Variants in APBA2 observed in about 807,000 individuals in gnomAD.
The protein encoded by APBA2 is amyloid beta precursor protein binding family A member 2.
APBA2 carries 30 observed loss-of-function variants against 75.0 expected under a neutral mutation model. That is an observed-to-expected ratio of 0.40 (90% CI 0.30 to 0.54). APBA2 has a LOEUF of 0.54. Ranked by LOEUF, APBA2 falls within the 20% of genes least tolerant of loss-of-function variation. The pLI, the probability that APBA2 is intolerant of heterozygous loss-of-function variation, is 0.49. For missense variants in APBA2, 801 were observed against 1,016.1 expected (o/e 0.79, Z 2.88); for synonymous variants, 444 against 409.6 (o/e 1.08, Z -1.01).
At chr15:29,021,250 C>T (rs2039939254) in intron 3 of APBA2, among the ~76,000 whole-genome samples, 1 of 152,092 alleles carries the variant, frequency 6.6e-6, no homozygotes, top group Admixed American at 6.5e-5. Flanking sequence ...GGATGGGGGC[C>T]AGGCACAGTG....
At position 28,987,725 on chromosome 15, in the gene APBA2, G is replaced by GATATAT. The variant is rs1469936230; in HGVS notation, c.-94-8027_-94-8026insTATATA. On this transcript the variant is annotated intron_variant, in intron 2 of 14. Coordinates refer to ENST00000683413, the MANE Select transcript of APBA2 (RefSeq NM_001353788.2). Reference sequence around the variant, plus strand: ...AAGGGAGTGTCAAAGAATATGTGGAGAGAGATATATATATATATATATATA... The same window carrying GATATAT: ...AAGGGAGTGTCAAAGAATATGTGGAGATATATAGAGATATATATATATATATATATA... 4.7e-3 allele frequency among the ~76,000 whole-genome samples: 562 copies of GATATAT among 118,500 alleles called. 21 individuals are homozygous for GATATAT. The highest frequency in any genetic ancestry group is 0.019 in the African/African-American group (471 of 24,964). 77.7% of individuals were successfully genotyped at this position (118,500 alleles called of 152,430 possible).
At chr15:28,892,666 C>T (rs1015822892) in intron 1 of APBA2, among the ~76,000 whole-genome samples, 9 of 149,114 alleles carry the variant, frequency 6.0e-5, no homozygotes, top group South Asian at 2.1e-4. Flanking sequence ...TGTATGTGTA[C>T]GTATATATGT....
chr15:29,057,917 G>A (rs182676122), intron 4 of APBA2, among the ~76,000 whole-genome samples: 1 of 152,256 alleles, frequency 6.6e-6, no homozygotes, highest in East Asian at 1.9e-4. Flanking sequence ...CCCTTCTTCT[G>A]TGGATGTTGG....
chr15:28,956,792 C>T (rs1346542736), intron 2 of APBA2, among the ~76,000 whole-genome samples: 1 of 152,188 alleles, frequency 6.6e-6, no homozygotes, highest in Admixed American at 6.5e-5. Flanking sequence ...TTGACGACTT[C>T]AGGTGCCTCG....
intron 2 of APBA2, among the ~76,000 whole-genome samples, chr15:28,935,904 A>G (rs192166296): frequency 6.6e-6 from 1 of 152,300 alleles, no homozygotes; most frequent in East Asian, 1.9e-4. Flanking sequence ...TATTAATCAA[A>G]ATGTATGATT....
At chr15:29,025,718 G>A (rs1305341980) in intron 3 of APBA2, among the ~76,000 whole-genome samples, 1 of 151,902 alleles carries the variant, frequency 6.6e-6, no homozygotes, top group Non-Finnish European at 1.5e-5. Context: ...TTGCGAGGCC[G>A]AGGCGGGCAG....
At position 28,913,782 on chromosome 15, in the gene APBA2, A is replaced by G. The variant is rs2033543244; in HGVS notation, c.-204-7858A>G. On this transcript the variant is annotated intron_variant, in intron 1 of 14. Coordinates refer to ENST00000683413, the MANE Select transcript of APBA2 (RefSeq NM_001353788.2). ...ATTCTACTAGTTGTAGCTTACAGTC[A>G]CCGAGTTTCTTTCATTGTATTCGGT... Among the ~76,000 whole-genome samples the G allele has an allele frequency of 3.3e-5, 5 of 152,200 alleles. No homozygotes were observed. In the South Asian group the frequency reaches 1.0e-3, roughly 32 times the overall value.
chr15:29,102,600 T>C lies in APBA2; in HGVS notation c.1524+816T>C, dbSNP rs1441589087. ...GCGAAACCCTAGTCTCTACTAAAGA[T>C]ACAAAAAAATTAGCCAAGCTTGGTG... On this transcript the variant is annotated intron_variant, in intron 10 of 14. Transcript: ENST00000683413. 2.0e-5 allele frequency: 3 copies of C among 151,954 alleles called. No homozygotes were observed. The East Asian group carries it at 5.8e-4, about 29-fold the overall frequency. 9.4% of individuals were successfully genotyped at this position (151,954 alleles called of 1,614,324 possible). A position where few individuals can be genotyped will look rare whatever the true frequency, so the allele number is the denominator to read the frequency against.
At chr15:28,913,131 CA>C (rs1273120005) in intron 1 of APBA2, among the ~76,000 whole-genome samples, 4 of 152,228 alleles carry the variant, frequency 2.6e-5, no homozygotes, top group African/African-American at 4.8e-5. Context: ...GGATTGAGTG[CA>C]AAAACTTCTG....
At chr15:29,070,797 G>A in intron 4 of APBA2, 1 of 285,600 alleles carries the variant, frequency 3.5e-6, no homozygotes, top group Non-Finnish European at 6.9e-6. Flanking sequence ...CCCCTTCTGA[G>A]CTGGGTGGAG....
intron 2 of APBA2, among the ~76,000 whole-genome samples, chr15:28,934,917 C>CTCTGCT: frequency 6.6e-6 from 1 of 152,274 alleles, no homozygotes. Context: ...AGCCCGGAGA[C>CTCTGCT]CTGGGTGTCC....
At chr15:28,928,674 G>A (rs2034407020) in intron 2 of APBA2, among the ~76,000 whole-genome samples, 1 of 152,128 alleles carries the variant, frequency 6.6e-6, no homozygotes, top group Admixed American at 6.5e-5. Flanking sequence ...CTTTCCCTGC[G>A]GGGAGCAGGC....
At chr15:28,929,463 C>G (rs997555690) in intron 2 of APBA2, among the ~76,000 whole-genome samples, 1 of 152,172 alleles carries the variant, frequency 6.6e-6, no homozygotes, top group Non-Finnish European at 1.5e-5. Context: ...AGTGACCACT[C>G]AGATCCAAGG....
intron 2 of APBA2, among the ~76,000 whole-genome samples, chr15:28,988,589 T>A (rs528879714): frequency 6.6e-6 from 1 of 152,358 alleles, no homozygotes; most frequent in Non-Finnish European, 1.5e-5. Context: ...CTTAACATTA[T>A]GTTTGTGAGA....
chr15:28,969,291 C>A (rs111996241), intron 2 of APBA2, among the ~76,000 whole-genome samples: 1 of 151,990 alleles, frequency 6.6e-6, no homozygotes, highest in African/African-American at 2.4e-5. Flanking sequence ...AGCGATTCTC[C>A]TGCCTCAGCC....
At chr15:28,960,641 G>T (rs908887081) in intron 2 of APBA2, among the ~76,000 whole-genome samples, 1 of 152,030 alleles carries the variant, frequency 6.6e-6, no homozygotes, top group Non-Finnish European at 1.5e-5. Flanking sequence ...TATGGGAAGG[G>T]TTTGTGGAAT....
At chr15:28,974,596 A>T (rs1055840708) in intron 2 of APBA2, among the ~76,000 whole-genome samples, 1 of 152,258 alleles carries the variant, frequency 6.6e-6, no homozygotes, top group Non-Finnish European at 1.5e-5. Context: ...TTCTGTGCTC[A>T]CAATGCAATA....
intron 2 of APBA2, chr15:28,977,001 G>A (rs2037373136): frequency 1.3e-5 from 2 of 152,168 alleles, no homozygotes; most frequent in Non-Finnish European, 2.9e-5. Context: ...AACATTTAAA[G>A]TCTATTCACA....
At chr15:29,115,022 G>A (rs1044272101) in intron 14 of APBA2, among the ~76,000 whole-genome samples, 8 of 151,924 alleles carry the variant, frequency 5.3e-5, no homozygotes, top group African/African-American at 1.5e-4. Context: ...GTGTGTAGGG[G>A]TGTGTGAAGG....
Sources: gnomAD v4.1 joint callset for allele counts (sites outside exome capture counted in the v4.1 genomes callset) on GRCh38, gnomAD v4.1.1 for gene constraint, MANE v1.5 for transcripts, NCBI Gene and HGNC (gene_info 2026-07-23, HGNC 2026-07-21) for gene names.